The following SMAD1 variants were observed in gnomAD, a reference collection of about 807,000 sequenced individuals.
SMAD1 encodes SMAD family member 1.
In SMAD1, 6 loss-of-function variants were observed where a neutral mutation model predicts 41.6. The ratio of observed to expected loss-of-function variants is 0.14; its 90% confidence interval spans 0.08 to 0.28. The LOEUF is 0.28. SMAD1 is among the 10% of genes least tolerant of loss of function. The pLI, the probability that SMAD1 is intolerant of heterozygous loss-of-function variation, is 1.00. For missense variants in SMAD1, 379 were observed against 582.6 expected, an observed-to-expected ratio of 0.65 and a Z score of 3.60; for synonymous variants, 206 against 203.2, an observed-to-expected ratio of 1.01 and a Z score of -0.12.
At chr4:145,549,756 GA>G (rs1046904689) in intron 5 of SMAD1, among the ~76,000 whole-genome samples, 1 of 152,114 alleles carries the variant, frequency 6.6e-6, no homozygotes, top group African/African-American at 2.4e-5. Flanking sequence ...CTGAGGGGAA[GA>G]AAACTCCAAC....
intron 2 of SMAD1, chr4:145,525,836 A>G (rs1367805564): frequency 2.0e-5 from 3 of 152,222 alleles, no homozygotes; most frequent in African/African-American, 7.2e-5. Flanking sequence ...TTTCCTTGAT[A>G]AAAGATCTAG....
chr4:145,550,023 T>C lies in SMAD1; in HGVS notation c.997+3099T>C, dbSNP rs535010274. 3.0e-4 allele frequency among the ~76,000 whole-genome samples: 46 copies of C among 152,276 alleles called. No individual in the cohort carries two copies. In the South Asian group the frequency reaches 3.3e-3, roughly 11 times the overall value. On this transcript the variant is annotated intron_variant, in intron 5 of 6. Transcript: ENST00000302085. ...AAAAATTGTGCTATGGGACATTTCC[T>C]CCTAAAACATTATTAAGAAAATAAA... is the stretch of plus-strand genomic sequence containing the variant.
chr4:145,519,088 CTTTTTTTTTTTTTT>C (rs771498383), intron 2 of SMAD1, among the ~76,000 whole-genome samples: 1 of 34,906 alleles, frequency 2.9e-5, no homozygotes, highest in East Asian at 6.7e-4. Flanking sequence ...GTTTGGTTGG[CTTTTTTTTTTTTTT>C]TTTTTTTTTT....
intron 2 of SMAD1, among the ~76,000 whole-genome samples, chr4:145,520,381 C>T (rs2126440812): frequency 6.6e-6 from 1 of 152,334 alleles, no homozygotes; most frequent in East Asian, 1.9e-4. Context: ...ACCTACAATA[C>T]TGAATCAGAC....
At chr4:145,512,500 T>A (rs550297627) in intron 1 of SMAD1, among the ~76,000 whole-genome samples, 1 of 152,352 alleles carries the variant, frequency 6.6e-6, no homozygotes, top group African/African-American at 2.4e-5. Context: ...TTTATTCTAC[T>A]GTATTTAACC....
At chr4:145,546,580 A>T (rs1273187505) in intron 4 of SMAD1, 123 bp from the exon 5 acceptor site, 1 of 730,728 alleles carries the variant, frequency 1.4e-6, no homozygotes, top group Non-Finnish European at 2.5e-6. Context: ...TGTATACATT[A>T]TAATAGCAAT....
chr4:145,482,610 C>G lies in SMAD1; in HGVS notation c.-177+572C>G, dbSNP rs528604696. ...GGGGACCCCGGCGCCCCGGGCCCCT[C>G]CACATCCCGCACGGGTTTTCTTCTC... On this transcript the variant is annotated intron_variant, in intron 1 of 6. Coordinates refer to ENST00000302085, the MANE Select transcript of SMAD1 (RefSeq NM_005900.3). This position sits in a 1 kb window ranked among gnomAD's most constrained non-coding sequence, Gnocchi z 4.2. 1 of 152,224 alleles carries G rather than the reference C, an allele frequency of 6.6e-6. No individual in the cohort carries two copies. The highest frequency in any genetic ancestry group is 1.9e-4 in the East Asian group (1 of 5,174). 9.4% of individuals were successfully genotyped at this position (152,224 alleles called of 1,614,324 possible). A position where few individuals can be genotyped will look rare whatever the true frequency, so the allele number is the denominator to read the frequency against.
At chr4:145,546,985 C>A in intron 5 of SMAD1, 61 bp downstream of exon 5, 1 of 1,310,694 alleles carries the variant, frequency 7.6e-7, no homozygotes, top group Non-Finnish European at 1.1e-6. Flanking sequence ...TCCTCCAGAG[C>A]TGACTTAAAA....
At chr4:145,496,509 A>G (rs1477634675) in intron 1 of SMAD1, among the ~76,000 whole-genome samples, 1 of 152,228 alleles carries the variant, frequency 6.6e-6, no homozygotes, top group African/African-American at 2.4e-5. Context: ...GTTTTTGAAT[A>G]TAGTTGACCC....
intron 2 of SMAD1, among the ~76,000 whole-genome samples, chr4:145,531,511 A>G (rs1731316189): frequency 6.6e-6 from 1 of 152,148 alleles, no homozygotes; most frequent in Non-Finnish European, 1.5e-5. Context: ...CTGAGATTCA[A>G]CTTAGATGCC....
intron 1 of SMAD1, among the ~76,000 whole-genome samples, chr4:145,491,388 G>A (rs976672879): frequency 1.3e-5 from 2 of 152,124 alleles, no homozygotes; most frequent in African/African-American, 4.8e-5. Context: ...CTATGATTGT[G>A]TCACTGCACT....
At chr4:145,486,617 C>G (rs1222355171) in intron 1 of SMAD1, among the ~76,000 whole-genome samples, 1 of 152,214 alleles carries the variant, frequency 6.6e-6, no homozygotes, top group Non-Finnish European at 1.5e-5. Context: ...GTACACTTAA[C>G]TATCCAAATC....
chr4:145,527,311 C>G (rs1731069906), intron 2 of SMAD1, among the ~76,000 whole-genome samples: 1 of 151,470 alleles, frequency 6.6e-6, no homozygotes, highest in South Asian at 2.1e-4. Context: ...GCGAGCTCCG[C>G]CTCCCGGGTT....
chr4:145,547,369 A>AC (rs1732305998), intron 5 of SMAD1, among the ~76,000 whole-genome samples: 1 of 152,304 alleles, frequency 6.6e-6, no homozygotes, highest in East Asian at 1.9e-4. Flanking sequence ...CAGTGATTGT[A>AC]CCCCCACAGG....
chr4:145,515,053 A>G (rs751226090), intron 2 of SMAD1, 40 bp downstream of exon 2: 2 of 1,537,854 alleles, frequency 1.3e-6, no homozygotes, highest in South Asian at 1.3e-5. Context: ...TTGTGTGCCC[A>G]GTACCAGATT....
At chr4:145,520,372 C>A (rs1730673068) in intron 2 of SMAD1, among the ~76,000 whole-genome samples, 1 of 152,178 alleles carries the variant, frequency 6.6e-6, no homozygotes, top group African/African-American at 2.4e-5. Flanking sequence ...CTTCCACAGA[C>A]CTACAATACT....
chr4:145,513,992 T>C (rs543141101), intron 1 of SMAD1, among the ~76,000 whole-genome samples: 12 of 152,218 alleles, frequency 7.9e-5, no homozygotes, highest in Non-Finnish European at 1.8e-4. Flanking sequence ...TAAAATATCA[T>C]AGACTGGGTG....
rs574686509 is a variant in SMAD1 at position 145,558,930 on chromosome 4, C to T, written c.*996C>T. On this transcript the variant is annotated 3_prime_UTR_variant, in exon 7 of 7. Transcript: ENST00000302085. Reference sequence around the variant, plus strand: ...CAGTACAGAAATAGGCTTTAATTTTCAAGTGAATTTTTTGCCAAACTTAGT... The same window carrying T: ...CAGTACAGAAATAGGCTTTAATTTTTAAGTGAATTTTTTGCCAAACTTAGT... Among the ~76,000 whole-genome samples, 10 of 152,220 alleles carry T rather than the reference C, an allele frequency of 6.6e-5. No homozygotes were observed. The highest frequency in any genetic ancestry group is 2.4e-4 in the African/African-American group (10 of 41,550).
chr4:145,549,429 A>T (rs531427496), intron 5 of SMAD1, among the ~76,000 whole-genome samples: 1 of 152,276 alleles, frequency 6.6e-6, no homozygotes, highest in East Asian at 1.9e-4. Flanking sequence ...TCTATCCAAA[A>T]CCTGTGTTAC....
Sources: allele counts gnomAD v4.1 joint callset (sites outside exome capture counted in the v4.1 genomes callset), GRCh38; gene constraint gnomAD v4.1.1; non-coding constraint Gnocchi (gnomAD v3.1); transcripts MANE v1.5; gene names NCBI Gene and HGNC (gene_info 2026-07-23, HGNC 2026-07-21).